The following RHOT1 variants were observed in gnomAD, a reference collection of about 807,000 sequenced individuals.
The protein encoded by RHOT1 is mitochondrial Rho GTPase 1.
In RHOT1, 27 loss-of-function variants were observed where a neutral mutation model predicts 95.3. The observed-to-expected ratio is 0.28, with a 90% CI of 0.21 to 0.39. RHOT1 has a LOEUF of 0.39. Among genes scored for constraint, RHOT1 ranks in the 10% least tolerant of loss-of-function variants. The pLI is 1.00. For synonymous variants in RHOT1, 227 were observed against 263.5 expected (o/e 0.86, Z 1.34); for missense variants, 578 against 786.7 (o/e 0.73, Z 3.17).
chr17:32,144,075 C>T (rs2142327567), intron 1 of RHOT1, among the ~76,000 whole-genome samples: 1 of 152,238 alleles, frequency 6.6e-6, no homozygotes, highest in East Asian at 1.9e-4. Flanking sequence ...CATGGACTTC[C>T]TTGACAAGGT....
At chr17:32,166,516 A>C (rs1056504883) in intron 1 of RHOT1, among the ~76,000 whole-genome samples, 3 of 152,228 alleles carry the variant, frequency 2.0e-5, no homozygotes, top group African/African-American at 7.2e-5. Context: ...GCCATTTAAT[A>C]GCATTTTACC....
intron 1 of RHOT1, chr17:32,150,921 C>G: frequency 6.5e-7 from 1 of 1,544,794 alleles, no homozygotes; most frequent in Non-Finnish European, 8.8e-7. Context: ...GCACATTCTT[C>G]TTGGATGGAA....
At chr17:32,189,381 A>G (rs2036295500) in intron 8 of RHOT1, among the ~76,000 whole-genome samples, 1 of 152,256 alleles carries the variant, frequency 6.6e-6, no homozygotes. Flanking sequence ...TTTATGATAC[A>G]GGAAATTTGG....
chr17:32,165,612 A>G (rs192779917), intron 1 of RHOT1, among the ~76,000 whole-genome samples: 8 of 152,250 alleles, frequency 5.3e-5, no homozygotes, highest in African/African-American at 1.7e-4. Context: ...ATATTCATCC[A>G]GTGGTTTTTT....
At chr17:32,171,432 A>T (rs1214936243) in intron 2 of RHOT1, among the ~76,000 whole-genome samples, 1 of 152,234 alleles carries the variant, frequency 6.6e-6, no homozygotes, top group African/African-American at 2.4e-5. Flanking sequence ...ACCTGTATCT[A>T]TGAAATACAG....
chr17:32,217,708 T>C (rs1455418778), intron 19 of RHOT1, among the ~76,000 whole-genome samples: 3 of 149,846 alleles, frequency 2.0e-5, no homozygotes, highest in Admixed American at 2.0e-4. Context: ...TGAGCCAAGA[T>C]TGCACCACTG....
intron 8 of RHOT1, among the ~76,000 whole-genome samples, chr17:32,189,867 G>T (rs1371506025): frequency 6.6e-6 from 1 of 151,158 alleles, no homozygotes; most frequent in Non-Finnish European, 1.5e-5. Flanking sequence ...CAAGTAGCTG[G>T]GATTACAGGG....
chr17:32,203,649 G>A (rs1188767107), intron 15 of RHOT1, among the ~76,000 whole-genome samples: 1 of 152,110 alleles, frequency 6.6e-6, no homozygotes, highest in Non-Finnish European at 1.5e-5. Context: ...TCAGTAATAC[G>A]GATAGTTTCC....
chr17:32,156,049 G>T, intron 1 of RHOT1, among the ~76,000 whole-genome samples: 1 of 152,184 alleles, frequency 6.6e-6, no homozygotes, highest in South Asian at 2.1e-4. Flanking sequence ...CATGATAAAT[G>T]TAGTTATTTA....
chr17:32,165,362 AC>A (rs68066766), intron 1 of RHOT1, among the ~76,000 whole-genome samples: 1,971 of 130,518 alleles, frequency 0.015, 37 homozygotes, highest in South Asian at 0.033. Flanking sequence ...AAAAAAAAAA[AC>A]AATACAAAAA....
At chr17:32,208,439 G>T in intron 18 of RHOT1, 130 bp downstream of exon 18, 1 of 912,978 alleles carries the variant, frequency 1.1e-6, no homozygotes, top group East Asian at 2.5e-5. Context: ...TAATGAGAAG[G>T]TACAAATTTG....
At position 32,184,152 on chromosome 17, in the gene RHOT1, A is replaced by G. The variant is rs562948377; in HGVS notation, c.540+880A>G. 1.2e-4 allele frequency among the ~76,000 whole-genome samples: 19 copies of G among 152,358 alleles called. No individual in the cohort carries two copies. The South Asian group carries it at 3.5e-3, about 28-fold the overall frequency. On this transcript the variant is annotated intron_variant, in intron 8 of 19. Transcript: ENST00000545287. Reference sequence around the variant, plus strand: ...ATTCCGTGGTTTTTAGTGTATTCACAAAGTTATGCAATCATCACCACTGTC... The same window carrying G: ...ATTCCGTGGTTTTTAGTGTATTCACGAAGTTATGCAATCATCACCACTGTC...
chr17:32,206,441 CTTTTTTTTTTTTTTT>C lies in RHOT1; in HGVS notation c.1417-455_1417-441del, dbSNP rs34176535. 2.8e-4 allele frequency among the ~76,000 whole-genome samples: 19 copies of C among 67,008 alleles called. 1 individual carries two copies. The highest frequency in any genetic ancestry group is 4.8e-4 in the Admixed American group (3 of 6,236). 44.0% of individuals were successfully genotyped at this position (67,008 alleles called of 152,430 possible). On this transcript the variant is annotated intron_variant, in intron 16 of 19. Transcript: ENST00000545287. ...GAAGATACTTATTTGTCTATACTTTCTTTTTTTTTTTTTTTTTTTTTTTTTTTTGAGACTGAGTCT... is the reference window on the plus strand; with the variant it reads ...GAAGATACTTATTTGTCTATACTTTCTTTTTTTTTTTTTGAGACTGAGTCT...
At chr17:32,209,611 A>G (rs1278296338) in intron 18 of RHOT1, 1 of 507,752 alleles carries the variant, frequency 2.0e-6, no homozygotes. Context: ...TCCTTACTAC[A>G]TAAATGTACT....
chr17:32,159,160 T>C (rs1325695183), intron 1 of RHOT1, among the ~76,000 whole-genome samples: 3 of 152,086 alleles, frequency 2.0e-5, no homozygotes, highest in Non-Finnish European at 4.4e-5. Flanking sequence ...AGCCTCAAGA[T>C]CATCGGGTTT....
chr17:32,217,492 C>T (rs2038547113), intron 19 of RHOT1, among the ~76,000 whole-genome samples: 1 of 152,122 alleles, frequency 6.6e-6, no homozygotes, highest in East Asian at 1.9e-4. Context: ...CGCCTTGGCT[C>T]ACGCCTGTAA....
rs920663754 is a variant in RHOT1 at position 32,199,094 on chromosome 17, C to G, written c.954+63C>G. The stretch of plus-strand genomic sequence containing the variant: ...AAACATTTTTCTATGGATGATATAA[C>G]TCTGTTCCCTGAGCTATGGGATGTG... On this transcript the variant is annotated intron_variant, in intron 12 of 19. Transcript: ENST00000545287. 5 of 1,255,208 alleles carry G rather than the reference C, an allele frequency of 4.0e-6. No homozygotes were observed. In the African/African-American group the frequency reaches 5.9e-5, roughly 15 times the overall value. 77.8% of individuals were successfully genotyped at this position (1,255,208 alleles called of 1,614,324 possible). A position where few individuals can be genotyped will look rare whatever the true frequency, so the allele number is the denominator to read the frequency against.
At chr17:32,150,356 C>CTTT in intron 1 of RHOT1, 6 of 309,754 alleles carry the variant, frequency 1.9e-5, no homozygotes, top group Middle Eastern at 6.0e-4. Flanking sequence ...TGCTAATGAA[C>CTTT]TTTTTTTTTT....
At chr17:32,213,228 ATTC>A (rs1218935120) in intron 19 of RHOT1, among the ~76,000 whole-genome samples, 1 of 152,208 alleles carries the variant, frequency 6.6e-6, no homozygotes, top group Non-Finnish European at 1.5e-5. Flanking sequence ...TAAATGTCAT[ATTC>A]TTCTTTTTGA....
Sources: gnomAD v4.1 joint callset for allele counts (sites outside exome capture counted in the v4.1 genomes callset) on GRCh38, gnomAD v4.1.1 for gene constraint, MANE v1.5 for transcripts, NCBI Gene and HGNC (gene_info 2026-07-23, HGNC 2026-07-21) for gene names.